Variants in UBE2E1 observed in about 807,000 individuals in gnomAD.
The protein encoded by UBE2E1 is ubiquitin conjugating enzyme E2 E1.
Under a neutral mutation model 21.4 loss-of-function variants are expected in UBE2E1, and 6 were observed. The ratio of observed to expected loss-of-function variants is 0.28; its 90% CI spans 0.15 to 0.55. The LOEUF (loss-of-function observed/expected upper bound fraction) is 0.55. UBE2E1 is among the 20% of genes least tolerant of loss of function. UBE2E1 has a pLI of 0.93. For missense variants in UBE2E1, 142 were observed against 236.5 expected (o/e 0.60, Z 2.62); for synonymous variants, 87 against 82.7 (o/e 1.05, Z -0.28).
At chr3:23,866,006 G>A (rs181710857) in intron 3 of UBE2E1, among the ~76,000 whole-genome samples, 5 of 152,182 alleles carry the variant, frequency 3.3e-5, no homozygotes, top group Admixed American at 1.3e-4. Context: ...CCAAGGATTC[G>A]CCTGGGTGAA....
In UBE2E1 at chr3:23,842,249, G is replaced by GTGTGTGT. The variant is rs58491698; in HGVS notation, c.203+30739_203+30740insTGTGTGT. On this transcript the variant is annotated intron_variant, in intron 3 of 5. Coordinates refer to ENST00000306627, the MANE Select transcript of UBE2E1 (RefSeq NM_003341.5). This position sits in a 1 kb window ranked among gnomAD's most constrained non-coding sequence, Gnocchi z 4.6. Reference sequence around the variant, plus strand: ...TGTGTGTGTGTGTGTGTGTGTGTGTGGTGTTGTTGTTGTTGGCGACAGGGT... The same window carrying GTGTGTGT: ...TGTGTGTGTGTGTGTGTGTGTGTGTGTGTGTGTGTGTTGTTGTTGTTGGCGACAGGGT... Among the ~76,000 whole-genome samples the GTGTGTGT allele has an allele frequency of 2.0e-4, 20 of 98,212 alleles. 1 individual carries two copies. The highest frequency in any genetic ancestry group is 1.8e-3 in the South Asian group (5 of 2,720). 64.4% of individuals were successfully genotyped at this position (98,212 alleles called of 152,430 possible).
intron 3 of UBE2E1, among the ~76,000 whole-genome samples, chr3:23,834,617 G>T (rs1575817744): frequency 6.6e-6 from 1 of 152,110 alleles, no homozygotes; most frequent in Non-Finnish European, 1.5e-5. Flanking sequence ...TAATCTTAGT[G>T]CTTTGGGGAG....
chr3:23,825,524 T>A (rs1309020123), intron 3 of UBE2E1, among the ~76,000 whole-genome samples: 1 of 152,164 alleles, frequency 6.6e-6, no homozygotes, highest in Non-Finnish European at 1.5e-5. Flanking sequence ...AAGAAACAAA[T>A]GTACAAAAGT....
At chr3:23,854,017 G>A (rs896911944) in intron 3 of UBE2E1, among the ~76,000 whole-genome samples, 5 of 152,064 alleles carry the variant, frequency 3.3e-5, no homozygotes, top group African/African-American at 4.8e-5. Context: ...CAGCACTTTG[G>A]GAGACCGAGG....
chr3:23,838,702 G>A (rs539708006), intron 3 of UBE2E1, among the ~76,000 whole-genome samples: 3 of 152,140 alleles, frequency 2.0e-5, no homozygotes, highest in South Asian at 4.2e-4. Flanking sequence ...TCACCATGTT[G>A]GCCAGGCTGT....
chr3:23,856,173 G>T (rs1700431936), intron 3 of UBE2E1, among the ~76,000 whole-genome samples: 1 of 151,996 alleles, frequency 6.6e-6, no homozygotes, highest in Admixed American at 6.6e-5. Context: ...ATTACAGGCA[G>T]GTACCACCAT....
intron 3 of UBE2E1, among the ~76,000 whole-genome samples, chr3:23,820,242 C>G (rs1379302454): frequency 6.6e-6 from 1 of 152,184 alleles, no homozygotes; most frequent in Non-Finnish European, 1.5e-5. Context: ...GACCTAGTAA[C>G]TGGTGTCAGA....
At chr3:23,821,014 A>G (rs1480204503) in intron 3 of UBE2E1, among the ~76,000 whole-genome samples, 1 of 152,210 alleles carries the variant, frequency 6.6e-6, no homozygotes, top group Non-Finnish European at 1.5e-5. Context: ...ATTATGAAGC[A>G]ATGTTGTACA....
At chr3:23,855,893 A>C (rs1377526076) in intron 3 of UBE2E1, among the ~76,000 whole-genome samples, 1 of 152,176 alleles carries the variant, frequency 6.6e-6, no homozygotes, top group Non-Finnish European at 1.5e-5. Flanking sequence ...GCACTTACAT[A>C]GCTTATTTCC....
intron 3 of UBE2E1, among the ~76,000 whole-genome samples, chr3:23,886,762 C>T (rs924429018): frequency 2.0e-5 from 3 of 152,168 alleles, no homozygotes; most frequent in African/African-American, 7.2e-5. Flanking sequence ...AACCCTCTGC[C>T]TAGTACATGG....
intron 3 of UBE2E1, among the ~76,000 whole-genome samples, chr3:23,868,502 T>C (rs552905198): frequency 1.4e-4 from 22 of 152,064 alleles, no homozygotes; most frequent in Non-Finnish European, 2.4e-4. Context: ...AGAGATGGGG[T>C]TTCACCATAT....
chr3:23,843,233 T>C (rs1700131600), intron 3 of UBE2E1, among the ~76,000 whole-genome samples: 3 of 152,108 alleles, frequency 2.0e-5, no homozygotes, highest in African/African-American at 7.2e-5. Flanking sequence ...TACCTGGACT[T>C]AGTTTGTATA....
intron 3 of UBE2E1, among the ~76,000 whole-genome samples, chr3:23,831,697 CTT>C (rs11332707): frequency 5.5e-4 from 78 of 141,458 alleles, no homozygotes; most frequent in Admixed American, 7.0e-4. Context: ...TTTTGTATTT[CTT>C]TTTTTTTTTT....
chr3:23,880,614 CA>C (rs1229015552), intron 3 of UBE2E1, among the ~76,000 whole-genome samples: 3 of 152,070 alleles, frequency 2.0e-5, no homozygotes, highest in Non-Finnish European at 4.4e-5. Context: ...TAAAAGAAAT[CA>C]ATAATGTCAT....
Position 23,842,228 on chromosome 3 carries a change from TGTGTGTGTGTGTGTGTGTGTG to T in UBE2E1, c.203+30723_203+30743del, listed in dbSNP as rs1310207735. ...GTGTGTGTGTGTGTGTGTGTGTGTG[TGTGTGTGTGTGTGTGTGTGTG>T]GTGTTGTTGTTGTTGGCGACAGGGT... On this transcript the variant is annotated intron_variant, in intron 3 of 5. Transcript: ENST00000306627. This position sits in a 1 kb window ranked among gnomAD's most constrained non-coding sequence, Gnocchi z 4.6. Among the ~76,000 whole-genome samples the T allele has an allele frequency of 1.2e-3, 97 of 83,016 alleles. No individual in the cohort carries two copies. The highest frequency in any genetic ancestry group is 2.6e-3 in the Admixed American group (19 of 7,224). The allele number at this position is 83,016 out of a possible 152,430, so 54.5% of individuals were successfully genotyped here. A position where few individuals can be genotyped will look rare whatever the true frequency, so the allele number is the denominator to read the frequency against.
chr3:23,869,908 A>T (rs1168278580), intron 3 of UBE2E1, among the ~76,000 whole-genome samples: 1 of 152,138 alleles, frequency 6.6e-6, no homozygotes, highest in African/African-American at 2.4e-5. Flanking sequence ...ATTGCTACAT[A>T]ACAAAATATT....
In UBE2E1 at chr3:23,858,653, T is replaced by C. The variant is rs969501642; in HGVS notation, c.204-28914T>C. The stretch of plus-strand genomic sequence containing the variant: ...TATGACAATGGAAGACAAACCTTTA[T>C]ATTGAGTAAATTAAAATTTATGAAA... On this transcript the variant is annotated intron_variant, in intron 3 of 5. Transcript: ENST00000306627. Among the ~76,000 whole-genome samples the C allele has an allele frequency of 2.0e-5, 3 of 152,194 alleles. 1 individual carries two copies. Among genetic ancestry groups the C allele is most frequent in the African/African-American group, 7.2e-5 (3 of 41,446 alleles).
intron 3 of UBE2E1, among the ~76,000 whole-genome samples, chr3:23,814,763 C>G (rs138929250): frequency 6.6e-6 from 1 of 152,174 alleles, no homozygotes; most frequent in Non-Finnish European, 1.5e-5. Flanking sequence ...TATAACTAGC[C>G]TGTAGACACG....
intron 3 of UBE2E1, among the ~76,000 whole-genome samples, chr3:23,843,862 T>C (rs1171400313): frequency 6.6e-6 from 1 of 152,246 alleles, no homozygotes; most frequent in Non-Finnish European, 1.5e-5. Flanking sequence ...AATTCTTCTT[T>C]CACCCAAATG....
Sources: gnomAD v4.1 joint callset for allele counts (sites outside exome capture counted in the v4.1 genomes callset) on GRCh38, gnomAD v4.1.1 for gene constraint, Gnocchi (gnomAD v3.1) non-coding constraint, MANE v1.5 for transcripts, NCBI Gene and HGNC (gene_info 2026-07-23, HGNC 2026-07-21) for gene names.